Variants in COL24A1 observed in about 807,000 individuals in gnomAD.
COL24A1 encodes the protein collagen type XXIV alpha 1 chain.
Under a neutral mutation model 253.9 loss-of-function variants are expected in COL24A1, and 224 were observed. The observed-to-expected ratio is 0.88, with a 90% CI of 0.79 to 0.99. The LOEUF is 0.99. Among genes scored for constraint, COL24A1 ranks in the 50% least tolerant of loss-of-function variants. The pLI, the probability that COL24A1 is intolerant of heterozygous loss-of-function variation, is 0.00. For synonymous variants in COL24A1, 685 were observed against 673.7 expected, an observed-to-expected ratio of 1.02 and a Z score of -0.26; for missense variants, 2,131 against 2,068.5, an observed-to-expected ratio of 1.03 and a Z score of -0.59.
chr1:85,939,686 T>A (rs1209605886), intron 24 of COL24A1, among the ~76,000 whole-genome samples: 1 of 152,134 alleles, frequency 6.6e-6, no homozygotes, highest in Non-Finnish European at 1.5e-5. Flanking sequence ...TTTTATAAGT[T>A]TTTTTTGGAA....
intron 28 of COL24A1, 88 bp downstream of exon 28, chr1:85,907,106 G>A: frequency 8.9e-6 from 9 of 1,009,934 alleles, no homozygotes; most frequent in Non-Finnish European, 1.4e-5. Flanking sequence ...AATTCTAGAA[G>A]GTATGATGCT....
At chr1:86,079,895 T>C (rs1377965201) in intron 7 of COL24A1, among the ~76,000 whole-genome samples, 1 of 152,104 alleles carries the variant, frequency 6.6e-6, no homozygotes, top group Non-Finnish European at 1.5e-5. Context: ...AAACTACCAC[T>C]GGATTTAGCA....
At chr1:85,957,513 TCCAGAATATTCCTGATAAATC>T (rs908685532) in intron 24 of COL24A1, among the ~76,000 whole-genome samples, 1 of 152,176 alleles carries the variant, frequency 6.6e-6, no homozygotes, top group Non-Finnish European at 1.5e-5. Context: ...TCCTTGTGCT[TCCAGAATATTCCTGATAAATC>T]CTAAATAGTT....
chr1:85,885,397 A>ATATATATATATTTT lies in COL24A1; in HGVS notation c.2976+4162_2976+4163insAAAATATATATATA, dbSNP rs60994639. ...TGTGTGTATATATATATATATATAT[A>ATATATATATATTTT]TTTTTTTTTTAAGTAGAAACTAAAT... On this transcript the variant is annotated intron_variant, in intron 32 of 59. Coordinates refer to ENST00000370571, the MANE Select transcript of COL24A1 (RefSeq NM_152890.7). 2.5e-3 allele frequency among the ~76,000 whole-genome samples: 318 copies of ATATATATATATTTT among 128,832 alleles called. 2 individuals carry two copies. The highest frequency in any genetic ancestry group is 3.8e-3 in the Non-Finnish European group (236 of 62,056). The allele number at this position is 128,832 out of a possible 152,430, so 84.5% of individuals were successfully genotyped here. A position where few individuals can be genotyped will look rare whatever the true frequency, so the allele number is the denominator to read the frequency against.
In COL24A1 at chr1:85,895,120, T is replaced by C. The variant is rs998676625; in HGVS notation, c.2922+738A>G. 8.5e-5 allele frequency among the ~76,000 whole-genome samples: 13 copies of C among 152,110 alleles called. 1 individual carries two copies. In the East Asian group the frequency reaches 2.5e-3, roughly 29 times the overall value. Reference sequence around the variant, plus strand: ...AGCTTATGTGCTCACATACATGTACTATCTTACATGTCTATGTGTAAGTAT... The same window carrying C: ...AGCTTATGTGCTCACATACATGTACCATCTTACATGTCTATGTGTAAGTAT... On this transcript the variant is annotated intron_variant, in intron 31 of 59. Coordinates refer to ENST00000370571, the MANE Select transcript of COL24A1 (RefSeq NM_152890.7).
At chr1:85,869,785 T>A (rs1223253403) in intron 35 of COL24A1, among the ~76,000 whole-genome samples, 1 of 152,014 alleles carries the variant, frequency 6.6e-6, no homozygotes, top group Non-Finnish European at 1.5e-5. Context: ...AGAAACTGCA[T>A]CAACTAATGA....
intron 5 of COL24A1, among the ~76,000 whole-genome samples, chr1:86,111,492 G>T (rs1705597289): frequency 6.8e-6 from 1 of 146,916 alleles, no homozygotes; most frequent in Admixed American, 6.9e-5. Context: ...CTAGCTCAAG[G>T]TTTGTAAACA....
chr1:85,946,273 C>A (rs934621336), intron 24 of COL24A1, among the ~76,000 whole-genome samples: 1 of 152,118 alleles, frequency 6.6e-6, no homozygotes, highest in African/African-American at 2.4e-5. Flanking sequence ...GTGACTCCAC[C>A]GGGAAAGGAC....
chr1:85,840,371 C>T (rs1243847642), intron 42 of COL24A1, among the ~76,000 whole-genome samples: 1 of 151,992 alleles, frequency 6.6e-6, no homozygotes, highest in Non-Finnish European at 1.5e-5. Flanking sequence ...TATCTATTGC[C>T]TCTATATGAG....
At chr1:85,963,005 C>T (rs1691216746) in intron 23 of COL24A1, among the ~76,000 whole-genome samples, 1 of 152,036 alleles carries the variant, frequency 6.6e-6, no homozygotes, top group African/African-American at 2.4e-5. Flanking sequence ...ATATTGATTA[C>T]ATGTTGAAAG....
intron 32 of COL24A1, among the ~76,000 whole-genome samples, chr1:85,886,651 C>T (rs1020002744): frequency 7.3e-5 from 11 of 151,368 alleles, no homozygotes; most frequent in Admixed American, 3.9e-4. Flanking sequence ...GGCGACAGAG[C>T]GAGACTCTGT....
intron 7 of COL24A1, among the ~76,000 whole-genome samples, chr1:86,066,982 C>T (rs1211878623): frequency 2.0e-5 from 3 of 151,546 alleles, no homozygotes; most frequent in African/African-American, 4.8e-5. Context: ...ATTAAAAATA[C>T]AAAAAAATTA....
At chr1:85,735,834 A>G (rs750451583) in intron 58 of COL24A1, among the ~76,000 whole-genome samples, 11 of 152,094 alleles carry the variant, frequency 7.2e-5, no homozygotes, top group Non-Finnish European at 1.3e-4. Flanking sequence ...AGGAATTTGT[A>G]CTGATTTCCA....
At chr1:86,094,931 G>C (rs1703793846) in intron 5 of COL24A1, among the ~76,000 whole-genome samples, 1 of 151,870 alleles carries the variant, frequency 6.6e-6, no homozygotes, top group Non-Finnish European at 1.5e-5. Flanking sequence ...GAAAGTATTG[G>C]CAAACAATGT....
At chr1:85,944,040 C>T (rs1558747432) in intron 24 of COL24A1, among the ~76,000 whole-genome samples, 1 of 152,132 alleles carries the variant, frequency 6.6e-6, no homozygotes. Context: ...AAGAGATGTC[C>T]TTTTTGTACA....
chr1:85,986,330 T>C (rs1213300760), intron 20 of COL24A1, among the ~76,000 whole-genome samples: 1 of 151,770 alleles, frequency 6.6e-6, no homozygotes, highest in African/African-American at 2.4e-5. Flanking sequence ...TATTGCCTAG[T>C]TTTCCTGTCT....
intron 43 of COL24A1, among the ~76,000 whole-genome samples, chr1:85,830,522 T>C (rs539798823): frequency 6.6e-6 from 1 of 152,292 alleles, no homozygotes; most frequent in East Asian, 1.9e-4. Flanking sequence ...TCCCCCAGCC[T>C]GGCTGCCGCC....
intron 47 of COL24A1, among the ~76,000 whole-genome samples, chr1:85,786,670 C>T (rs12128605): frequency 0.37 from 56,749 of 151,946 alleles, 12,087 homozygotes; most frequent in Non-Finnish European, 0.49. Flanking sequence ...ATAATTTATG[C>T]AATGATCTTG....
At chr1:85,742,138 TTTTTTTTTC>T (rs1312094247) in intron 57 of COL24A1, among the ~76,000 whole-genome samples, 1 of 4,378 alleles carries the variant, frequency 2.3e-4, no homozygotes, top group Non-Finnish European at 8.6e-3. Context: ...TTCTTTTTTC[TTTTTTTTTC>T]TTTTGAGACA....
Sources: allele counts gnomAD v4.1 joint callset (sites outside exome capture counted in the v4.1 genomes callset), GRCh38; gene constraint gnomAD v4.1.1; transcripts MANE v1.5; gene names NCBI Gene and HGNC (gene_info 2026-07-23, HGNC 2026-07-21).